MDGA2: variants seen among roughly 807,000 people sequenced by gnomAD.
MDGA2 encodes MAM domain containing glycosylphosphatidylinositol anchor 2.
In MDGA2, 40 loss-of-function variants were observed where a neutral mutation model predicts 117.8. The observed-to-expected ratio is 0.34, with a 90% CI of 0.26 to 0.44. The LOEUF (loss-of-function observed/expected upper bound fraction) is 0.44. Among genes scored for constraint, MDGA2 ranks in the 20% least tolerant of loss-of-function variants. The pLI, the probability that MDGA2 is intolerant of heterozygous loss-of-function variation, is 1.00. For synonymous variants in MDGA2, 452 were observed against 439.0 expected (o/e 1.03, Z -0.37); for missense variants, 1,123 against 1,250.6 (o/e 0.90, Z 1.54).
intron 1 of MDGA2, among the ~76,000 whole-genome samples, chr14:47,409,150 G>A (rs1332078629): frequency 1.3e-5 from 2 of 152,274 alleles, no homozygotes; most frequent in Non-Finnish European, 2.9e-5. Flanking sequence ...GGAAGATGTA[G>A]AGAAAGCAAA....
intron 8 of MDGA2, among the ~76,000 whole-genome samples, chr14:46,961,547 C>T (rs893438153): frequency 3.3e-5 from 5 of 152,116 alleles, no homozygotes; most frequent in African/African-American, 4.8e-5. Context: ...ATTTTGTATA[C>T]CTGCACACCA....
intron 7 of MDGA2, among the ~76,000 whole-genome samples, chr14:47,055,511 A>T (rs932516308): frequency 6.6e-5 from 10 of 152,126 alleles, no homozygotes; most frequent in African/African-American, 2.4e-4. Context: ...TAGTTTATTA[A>T]AGCAAATGCT....
intron 1 of MDGA2, among the ~76,000 whole-genome samples, chr14:47,370,789 A>G (rs569433982): frequency 1.3e-5 from 2 of 151,720 alleles, no homozygotes; most frequent in African/African-American, 4.8e-5. Context: ...TAGGTGTCCA[A>G]TGACTTTCAA....
chr14:47,636,446 T>C (rs899535433), intron 1 of MDGA2, among the ~76,000 whole-genome samples: 8 of 152,064 alleles, frequency 5.3e-5, no homozygotes, highest in African/African-American at 1.9e-4. Context: ...TACAGAAAGC[T>C]ACATCAACTG....
At chr14:47,438,287 A>G (rs775893316) in intron 1 of MDGA2, among the ~76,000 whole-genome samples, 43 of 152,118 alleles carry the variant, frequency 2.8e-4, no homozygotes, top group Admixed American at 2.0e-4. Flanking sequence ...AGATTTTGCA[A>G]TTTTGCAATG....
chr14:47,635,442 T>G (rs1897306799), intron 1 of MDGA2, among the ~76,000 whole-genome samples: 1 of 152,134 alleles, frequency 6.6e-6, no homozygotes, highest in Non-Finnish European at 1.5e-5. Context: ...ACAGAGCAGA[T>G]GGTTTACAAA....
At position 46,841,724 on chromosome 14, in the gene MDGA2, T is replaced by C. The variant is rs1486320259; in HGVS notation, c.*207A>G. 1.9e-5 allele frequency: 7 copies of C among 365,602 alleles called. No individual in the cohort carries two copies. Among genetic ancestry groups the C allele is most frequent in the African/African-American group, 1.3e-4 (6 of 47,522 alleles). 22.6% of individuals were successfully genotyped at this position (365,602 alleles called of 1,614,324 possible). On this transcript the variant is annotated 3_prime_UTR_variant, in exon 17 of 17. Transcript: ENST00000399232. ...CTCTTCTCTACTCAGGTCAAGATTA[T>C]CTTTTATGTTTAGTCTGGAATAAGT...
chr14:47,338,952 C>T (rs1206732223), intron 1 of MDGA2, among the ~76,000 whole-genome samples: 1 of 152,038 alleles, frequency 6.6e-6, no homozygotes, highest in African/African-American at 2.4e-5. Context: ...TTAATTATCA[C>T]AGTACTATTA....
At chr14:47,066,420 A>AAAAGAAC (rs1566603273) in intron 6 of MDGA2, among the ~76,000 whole-genome samples, 3 of 152,200 alleles carry the variant, frequency 2.0e-5, no homozygotes, top group Admixed American at 6.5e-5. Flanking sequence ...TAGAATAGGA[A>AAAAGAAC]AAAGAACAGA....
chr14:47,360,051 G>A (rs1891082470), intron 1 of MDGA2, among the ~76,000 whole-genome samples: 1 of 151,962 alleles, frequency 6.6e-6, no homozygotes, highest in Admixed American at 6.6e-5. Context: ...CAAATAACTT[G>A]ATTAAAAGAT....
chr14:47,037,584 A>G (rs903311674), intron 7 of MDGA2, among the ~76,000 whole-genome samples: 4 of 152,196 alleles, frequency 2.6e-5, no homozygotes, highest in African/African-American at 7.2e-5. Flanking sequence ...GGGAGTATAC[A>G]GTAAGTATTT....
At position 47,675,017 on chromosome 14, in the gene MDGA2, G is replaced by A. The variant is rs978125808; in HGVS notation, c.-221C>T. ...GGCGGCGGCGGCGGCGCGCTGGGCC[G>A]GCGGCGGGCGCGGGCAGGGGGCCGG... On this transcript the variant is annotated 5_prime_UTR_variant, in exon 1 of 17. Transcript: ENST00000399232. The A allele has an allele frequency of 2.7e-5, 7 of 260,354 alleles. No homozygotes were observed. The highest frequency in any genetic ancestry group is 5.0e-5 in the Non-Finnish European group (7 of 140,070). The allele number at this position is 260,354 out of a possible 1,614,324, so 16.1% of individuals were successfully genotyped here. A position where few individuals can be genotyped will look rare whatever the true frequency, so the allele number is the denominator to read the frequency against.
At chr14:47,349,823 C>A (rs1203108993) in intron 1 of MDGA2, among the ~76,000 whole-genome samples, 1 of 152,200 alleles carries the variant, frequency 6.6e-6, no homozygotes, top group Non-Finnish European at 1.5e-5. Context: ...TCTTCTCATT[C>A]TTTTACCCCC....
At chr14:47,656,643 G>A (rs1055517545) in intron 1 of MDGA2, among the ~76,000 whole-genome samples, 9 of 152,096 alleles carry the variant, frequency 5.9e-5, no homozygotes, top group Non-Finnish European at 8.8e-5. Flanking sequence ...AGAAAAACAG[G>A]CATGCAAATG....
intron 1 of MDGA2, among the ~76,000 whole-genome samples, chr14:47,568,498 A>G (rs1439403498): frequency 6.6e-6 from 1 of 152,216 alleles, no homozygotes; most frequent in African/African-American, 2.4e-5. Context: ...GAAATTTCAA[A>G]TATGTCTTTA....
chr14:47,405,778 T>C (rs1203355505), intron 1 of MDGA2, among the ~76,000 whole-genome samples: 1 of 152,174 alleles, frequency 6.6e-6, no homozygotes, highest in Non-Finnish European at 1.5e-5. Flanking sequence ...CTTGAATTGC[T>C]ACAGTATAAA....
intron 1 of MDGA2, among the ~76,000 whole-genome samples, chr14:47,322,584 G>C (rs979915812): frequency 6.6e-6 from 1 of 152,106 alleles, no homozygotes; most frequent in African/African-American, 2.4e-5. Flanking sequence ...GACAGAGCAG[G>C]CAGGACTTTT....
intron 1 of MDGA2, among the ~76,000 whole-genome samples, chr14:47,341,660 G>A (rs893729366): frequency 3.9e-5 from 6 of 152,168 alleles, no homozygotes; most frequent in Non-Finnish European, 8.8e-5. Context: ...AAGTTTTTAT[G>A]TTCCTTGGAA....
At chr14:46,935,222 A>G (rs889306300) in intron 9 of MDGA2, among the ~76,000 whole-genome samples, 3 of 152,196 alleles carry the variant, frequency 2.0e-5, no homozygotes, top group Non-Finnish European at 2.9e-5. Flanking sequence ...CCAATTCCTG[A>G]GATCAGCACA....
Sources: allele counts gnomAD v4.1 joint callset (sites outside exome capture counted in the v4.1 genomes callset), GRCh38; gene constraint gnomAD v4.1.1; transcripts MANE v1.5; gene names NCBI Gene and HGNC (gene_info 2026-07-23, HGNC 2026-07-21).